CAST: variants seen among roughly 807,000 people sequenced by gnomAD.
The protein encoded by CAST is MIR583 host.
In CAST, 76 loss-of-function variants were observed where a neutral mutation model predicts 119.6. The observed-to-expected ratio is 0.64, with a 90% CI of 0.53 to 0.77. The LOEUF (loss-of-function observed/expected upper bound fraction) is 0.77. CAST is among the 30% of genes least tolerant of loss of function. The probability of loss-of-function intolerance (pLI) is 0.00; values close to 1 mark genes in which losing one functional copy is unlikely to be tolerated. For synonymous variants in CAST, 319 were observed against 331.6 expected (o/e 0.96, Z 0.41); for missense variants, 953 against 946.5 (o/e 1.01, Z -0.09).
the CAST span, among the ~76,000 whole-genome samples, chr5:95,981,956 A>G: frequency 6.6e-6 from 1 of 152,046 alleles, no homozygotes; most frequent in African/African-American, 2.4e-5. Context: ...ATTTCCATGT[A>G]TCCTTCACTC....
At chr5:96,599,787 T>C (rs1211179153) in intron 1 of CAST, among the ~76,000 whole-genome samples, 1 of 152,036 alleles carries the variant, frequency 6.6e-6, no homozygotes, top group African/African-American at 2.4e-5. Flanking sequence ...AATAAGCTAT[T>C]TTCTTTCTAT....
At chr5:96,397,101 T>G in the CAST span, among the ~76,000 whole-genome samples, 4 of 152,224 alleles carry the variant, frequency 2.6e-5, no homozygotes, top group African/African-American at 9.6e-5. Context: ...TCTGTCACAT[T>G]GTTTATATAA....
At chr5:96,653,111 C>T (rs1161517273) in intron 1 of CAST, among the ~76,000 whole-genome samples, 2 of 152,228 alleles carry the variant, frequency 1.3e-5, no homozygotes, top group Non-Finnish European at 2.9e-5. Context: ...CATATTTTCT[C>T]ACAGGCTCCA....
chr5:96,375,435 TG>T, the CAST span, among the ~76,000 whole-genome samples: 45,930 of 106,890 alleles, frequency 0.43, 7,684 homozygotes, highest in Admixed American at 0.53. Context: ...TGTGTGTGTG[TG>T]TTTTTTTTAC....
the CAST span, among the ~76,000 whole-genome samples, chr5:96,132,081 A>G: frequency 6.6e-6 from 1 of 152,172 alleles, no homozygotes; most frequent in African/African-American, 2.4e-5. Context: ...AAGGAAACAT[A>G]GTATCTGAAG....
chr5:96,037,846 G>A, the CAST span, among the ~76,000 whole-genome samples: 1 of 152,130 alleles, frequency 6.6e-6, no homozygotes, highest in Non-Finnish European at 1.5e-5. Context: ...GCCTGGGGTG[G>A]ATATCTAAGA....
chr5:96,287,188 G>A, the CAST span, among the ~76,000 whole-genome samples: 2 of 151,930 alleles, frequency 1.3e-5, no homozygotes, highest in African/African-American at 2.4e-5. Context: ...ATGAAACTAC[G>A]CTACCCAATT....
At chr5:96,242,770 A>G in the CAST span, among the ~76,000 whole-genome samples, 31 of 152,324 alleles carry the variant, frequency 2.0e-4, no homozygotes, top group African/African-American at 6.7e-4. Flanking sequence ...CATCTGTGCT[A>G]TGATTCACAT....
chr5:96,742,471 A>G (rs1762891512), intron 15 of CAST, 184 bp from the exon 16 acceptor site: 4 of 572,858 alleles, frequency 7.0e-6, no homozygotes, highest in East Asian at 2.9e-5. Context: ...CCCAATTTCC[A>G]CTCATTGGTA....
the CAST span, among the ~76,000 whole-genome samples, chr5:96,479,430 C>G: frequency 4.7e-3 from 701 of 150,150 alleles, 8 homozygotes; most frequent in African/African-American, 0.016. Flanking sequence ...TAGTGAGTAA[C>G]TACCATTGGC....
Position 96,675,784 on chromosome 5 carries a change from G to A in CAST, c.138+183G>A, listed in dbSNP as rs1462622404. On this transcript the variant is annotated intron_variant, in intron 2 of 31. Transcript: ENST00000675179. ...TCACTAAAAATAAATAAAAAAAATT[G>A]TTCCTGGGAATAGAGCCTGTATGAA... 9.3e-6 allele frequency: 5 copies of A among 539,530 alleles called. No homozygotes were observed. The Admixed American group carries it at 1.4e-4, about 15-fold the overall frequency. The allele number at this position is 539,530 out of a possible 1,614,324, so 33.4% of individuals were successfully genotyped here. A position where few individuals can be genotyped will look rare whatever the true frequency, so the allele number is the denominator to read the frequency against.
At chr5:96,541,593 C>T (rs1266050111) in intron 1 of CAST, among the ~76,000 whole-genome samples, 2 of 152,148 alleles carry the variant, frequency 1.3e-5, no homozygotes, top group Non-Finnish European at 2.9e-5. Context: ...TTTCACTGCC[C>T]CAAAAATCCA....
the CAST span, among the ~76,000 whole-genome samples, chr5:96,194,937 T>C: frequency 6.6e-6 from 1 of 152,156 alleles, no homozygotes; most frequent in Admixed American, 6.5e-5. Context: ...GGTGGTTCAG[T>C]AAGATGCAGG....
chr5:96,105,878 G>A, the CAST span, among the ~76,000 whole-genome samples: 1 of 152,122 alleles, frequency 6.6e-6, no homozygotes, highest in Non-Finnish European at 1.5e-5. Flanking sequence ...ACTCTTCTTG[G>A]TTGGTAAGCT....
chr5:96,661,421 A>G (rs914860043), upstream of CAST, among the ~76,000 whole-genome samples: 736 of 23,730 alleles, frequency 0.031, 5 homozygotes, highest in African/African-American at 0.044. Flanking sequence ...CCTCTCCAGA[A>G]AAAAAAAAAA....
At chr5:96,204,225 C>G in the CAST span, among the ~76,000 whole-genome samples, 1 of 151,998 alleles carries the variant, frequency 6.6e-6, no homozygotes, top group South Asian at 2.1e-4. Context: ...CTGGCCCCTT[C>G]CCTCATAGGT....
chr5:96,241,470 A>G, the CAST span, among the ~76,000 whole-genome samples: 1 of 150,770 alleles, frequency 6.6e-6, no homozygotes, highest in Non-Finnish European at 1.5e-5. Flanking sequence ...TCATTGTTGG[A>G]CATTTGGGTT....
At chr5:96,415,939 T>C in the CAST span, 8 of 812,358 alleles carry the variant, frequency 9.8e-6, no homozygotes, top group Non-Finnish European at 1.8e-5. Context: ...GTTCCTCCAG[T>C]TGTTAAAAAG....
At chr5:96,745,793 A>G (rs1763641167) in intron 16 of CAST, among the ~76,000 whole-genome samples, 1 of 152,208 alleles carries the variant, frequency 6.6e-6, no homozygotes, top group Non-Finnish European at 1.5e-5. Flanking sequence ...CAAGTTATCC[A>G]TGGATCAGCC....
Sources: gnomAD v4.1 joint callset for allele counts (sites outside exome capture counted in the v4.1 genomes callset) on GRCh38, gnomAD v4.1.1 for gene constraint, MANE v1.5 for transcripts, NCBI Gene and HGNC (gene_info 2026-07-23, HGNC 2026-07-21) for gene names.